Variants in UBE3B observed in about 807,000 individuals in gnomAD.
UBE3B encodes the protein ubiquitin-protein ligase E3B.
A neutral mutation model predicts 132.3 loss-of-function variants in UBE3B; 80 were observed. The observed-to-expected ratio is 0.60, with a 90% CI of 0.50 to 0.73. The LOEUF (loss-of-function observed/expected upper bound fraction) is 0.73, where lower values mean the gene tolerates loss of function less well. UBE3B is among the 30% of genes least tolerant of loss of function. The probability of loss-of-function intolerance (pLI) is 0.00; values close to 1 mark genes in which losing one functional copy is unlikely to be tolerated. For synonymous variants in UBE3B, 487 were observed against 520.4 expected (o/e 0.94, Z 0.87); for missense variants, 1,196 against 1,362.5 (o/e 0.88, Z 1.92).
At position 109,521,634 on chromosome 12, in the gene UBE3B, G is replaced by A. The variant is rs1193588376; in HGVS notation, c.2364+83G>A. On this transcript the variant is annotated intron_variant, in intron 21 of 27. Coordinates refer to ENST00000342494, the MANE Select transcript of UBE3B (RefSeq NM_130466.4). The surrounding 1 kb of genome is among the most constrained non-coding windows in gnomAD (Gnocchi z 4.2). ...TCTTCACATACACATATGTGATCAG[G>A]CTTGGCCATGTAAACTGTCACTAGG... The A allele has an allele frequency of 1.5e-6, 2 of 1,299,652 alleles. No individual in the cohort carries two copies. Among genetic ancestry groups the A allele is most frequent in the African/African-American group, 1.5e-5 (1 of 67,922 alleles). 80.5% of individuals were successfully genotyped at this position (1,299,652 alleles called of 1,614,324 possible).
Position 109,483,541 on chromosome 12 carries a change from AGTTTGCAAACAT to A in UBE3B, c.-7_5del, listed in dbSNP as rs749669361. 6.4e-7 allele frequency: 1 copy of A among 1,551,230 alleles called. No individual in the cohort carries two copies. The highest frequency in any genetic ancestry group is 1.4e-5 in the African/African-American group (1 of 72,426). Reference sequence around the variant, plus strand: ...CCATTTTCCTTGCAGGGTTTGTGCAAGTTTGCAAACATGTTCACCCTGTCTCAGACCTCGAGA... The same window carrying A: ...CCATTTTCCTTGCAGGGTTTGTGCAAGTTCACCCTGTCTCAGACCTCGAGA... On this transcript the variant is annotated start_lost and 5_prime_UTR_variant, in exon 3 of 28. Transcript: ENST00000342494.
chr12:109,539,515 C>T (rs1284066995), downstream of UBE3B, among the ~76,000 whole-genome samples: 1 of 152,212 alleles, frequency 6.6e-6, no homozygotes, highest in African/African-American at 2.4e-5. Flanking sequence ...AGTTTCCTGG[C>T]CCCTCAGACC....
At chr12:109,515,210 G>T (rs986437837) in intron 18 of UBE3B, among the ~76,000 whole-genome samples, 7 of 151,592 alleles carry the variant, frequency 4.6e-5, no homozygotes, top group Non-Finnish European at 8.8e-5. Context: ...ACCGCGACTG[G>T]CCCATCCCCT....
At chr12:109,503,401 T>G (rs1879245465) in intron 14 of UBE3B, among the ~76,000 whole-genome samples, 1 of 152,168 alleles carries the variant, frequency 6.6e-6, no homozygotes, top group Non-Finnish European at 1.5e-5. Flanking sequence ...ATTCCTGTTT[T>G]GTGACTCTTA....
At chr12:109,531,618 C>T (rs1167989119) in intron 26 of UBE3B, among the ~76,000 whole-genome samples, 1 of 152,102 alleles carries the variant, frequency 6.6e-6, no homozygotes. Flanking sequence ...CCTGGGTGGT[C>T]ATTCTGAGGA....
chr12:109,491,386 T>G, intron 9 of UBE3B: 1 of 351,192 alleles, frequency 2.8e-6, no homozygotes, highest in Admixed American at 4.5e-5. Flanking sequence ...AATGAATTTC[T>G]TTTATCTAAA....
At chr12:109,490,887 C>T (rs1422049221) in intron 8 of UBE3B, 158 bp from the exon 9 acceptor site, 2 of 1,054,570 alleles carry the variant, frequency 1.9e-6, no homozygotes, top group African/African-American at 3.2e-5. Context: ...ATCTTCCTGC[C>T]TCAGCCTCCT....
At chr12:109,546,663 T>G in the UBE3B span, among the ~76,000 whole-genome samples, 2 of 152,194 alleles carry the variant, frequency 1.3e-5, no homozygotes, top group African/African-American at 4.8e-5. Context: ...CAATAAATAT[T>G]TTTGGGCACC....
chr12:109,537,939 G>C (rs1301408780), downstream of UBE3B, among the ~76,000 whole-genome samples: 1 of 152,150 alleles, frequency 6.6e-6, no homozygotes, highest in Non-Finnish European at 1.5e-5. Context: ...CTGACCTCAT[G>C]ATCCCCCCGC....
At chr12:109,540,687 G>A (rs548982411), downstream of UBE3B, among the ~76,000 whole-genome samples, 4 of 152,200 alleles carry the variant, frequency 2.6e-5, no homozygotes, top group Non-Finnish European at 5.9e-5. Context: ...TTCAGACCAC[G>A]GGCATGTGAA....
intron 4 of UBE3B, among the ~76,000 whole-genome samples, chr12:109,484,467 T>C (rs1193830428): frequency 6.6e-6 from 1 of 152,142 alleles, no homozygotes. Flanking sequence ...CTTGGCTCAC[T>C]GCCAGTCTTC....
In UBE3B at chr12:109,499,614, C is replaced by G. The variant is rs1288724615; in HGVS notation, c.941-19C>G. On this transcript the variant is annotated intron_variant, in intron 11 of 27. Coordinates refer to ENST00000342494, the MANE Select transcript of UBE3B (RefSeq NM_130466.4). ...AATGTTTGTCTGGGCCCATCACACTCAGCCTTCTCTCTCTGTAGGCAACCT... is the reference window on the plus strand; with the variant it reads ...AATGTTTGTCTGGGCCCATCACACTGAGCCTTCTCTCTCTGTAGGCAACCT... The G allele has an allele frequency of 1.9e-6, 3 of 1,569,388 alleles. No homozygotes were observed. Among genetic ancestry groups the G allele is most frequent in the Non-Finnish European group, 2.6e-6 (3 of 1,155,512 alleles).
intron 26 of UBE3B, among the ~76,000 whole-genome samples, chr12:109,532,673 C>T (rs1396085969): frequency 6.6e-6 from 1 of 152,214 alleles, no homozygotes; most frequent in Non-Finnish European, 1.5e-5. Context: ...AGCACATTTG[C>T]AGGAATAACG....
At chr12:109,489,833 G>A (rs1010255817) in intron 7 of UBE3B, 86 bp from the exon 8 acceptor site, 40 of 1,267,770 alleles carry the variant, frequency 3.2e-5, no homozygotes, top group African/African-American at 2.5e-4. Context: ...TTAGGGCCTC[G>A]GATGTGGGAC....
At chr12:109,540,413 A>G (rs1046281665), downstream of UBE3B, among the ~76,000 whole-genome samples, 2 of 152,104 alleles carry the variant, frequency 1.3e-5, no homozygotes, top group African/African-American at 2.4e-5. Context: ...GTTTTGCCAT[A>G]TTGCCCACGC....
In UBE3B at chr12:109,509,672, C is replaced by G; in HGVS notation, c.1699C>G (p.Leu567Val). Reference protein sequence around the residue: ...LEELVTISSFLNSFVFKMIWD... With the variant: ...LEELVTISSFVNSFVFKMIWD... Reference sequence around the variant, plus strand: ...AGAGCTGGTCACTATCTCCTCTTTCCTGAATTCTTTTGTGTTTAAGATGAT... The same window carrying G: ...AGAGCTGGTCACTATCTCCTCTTTCGTGAATTCTTTTGTGTTTAAGATGAT... Residue 567 changes from leucine to valine, a missense_variant, in exon 16 of 28, where the codon CTG becomes GTG. Leu to Val is a conservative substitution (Grantham distance 32, BLOSUM62 1). Transcript: ENST00000342494. 6.2e-7 allele frequency: 1 copy of G among 1,610,806 alleles called. No individual in the cohort carries two copies. The highest frequency in any genetic ancestry group is 8.5e-7 in the Non-Finnish European group (1 of 1,179,274).
intron 26 of UBE3B, 101 bp from the exon 27 acceptor site, chr12:109,533,365 A>G (rs1375482016): frequency 1.8e-6 from 2 of 1,136,572 alleles, no homozygotes; most frequent in African/African-American, 1.5e-5. Context: ...CAGTTACAAC[A>G]CGGTAACAGA....
intron 24 of UBE3B, among the ~76,000 whole-genome samples, chr12:109,529,085 C>T (rs978782294): frequency 1.3e-5 from 2 of 152,080 alleles, no homozygotes; most frequent in South Asian, 2.1e-4. Flanking sequence ...CGCTTGAACC[C>T]GGGAGTCAGA....
intron 18 of UBE3B, among the ~76,000 whole-genome samples, chr12:109,514,853 G>T (rs1007020158): frequency 2.0e-5 from 3 of 151,936 alleles, no homozygotes; most frequent in Non-Finnish European, 4.4e-5. Context: ...CTGTCAACCA[G>T]CCTCAGCAAG....
Sources: allele counts gnomAD v4.1 joint callset (sites outside exome capture counted in the v4.1 genomes callset), GRCh38; gene constraint gnomAD v4.1.1; non-coding constraint Gnocchi (gnomAD v3.1); transcripts MANE v1.5; gene names NCBI Gene and HGNC (gene_info 2026-07-23, HGNC 2026-07-21).